The following TESK2 variants were observed in gnomAD, a reference collection of about 807,000 sequenced individuals.
TESK2 encodes the protein testis associated actin remodelling kinase 2.
TESK2 carries 39 observed loss-of-function variants against 57.1 expected under a neutral mutation model. The observed-to-expected ratio is 0.68, with a 90% CI of 0.53 to 0.89. The LOEUF (loss-of-function observed/expected upper bound fraction) is 0.89. Among genes scored for constraint, TESK2 ranks in the 40% least tolerant of loss-of-function variants. The pLI is 0.00. For missense variants in TESK2, 646 were observed against 732.1 expected, an observed-to-expected ratio of 0.88 and a Z score of 1.36; for synonymous variants, 249 against 267.9, an observed-to-expected ratio of 0.93 and a Z score of 0.69.
At chr1:45,466,668 T>TA (rs1422628253) in intron 1 of TESK2, among the ~76,000 whole-genome samples, 42 of 147,954 alleles carry the variant, frequency 2.8e-4, no homozygotes, top group African/African-American at 8.6e-4. Context: ...ATAATAATAA[T>TA]ATATATTATA....
intron 4 of TESK2, among the ~76,000 whole-genome samples, chr1:45,372,764 C>T (rs1648247540): frequency 6.6e-6 from 1 of 150,976 alleles, no homozygotes; most frequent in South Asian, 2.1e-4. Flanking sequence ...GAAGGCCAGG[C>T]ACGGTGGTTC....
intron 3 of TESK2, among the ~76,000 whole-genome samples, chr1:45,408,624 G>T (rs1438939088): frequency 6.6e-6 from 1 of 152,078 alleles, no homozygotes; most frequent in Non-Finnish European, 1.5e-5. Flanking sequence ...TTCTGAGAAA[G>T]GTTGTCATTT....
Position 45,415,107 on chromosome 1 carries a change from T to G in TESK2, c.344+6618A>C, listed in dbSNP as rs75590435. The G allele has an allele frequency of 3.9e-3, 5,638 of 1,451,840 alleles. 62 individuals are homozygous for G. The highest frequency in any genetic ancestry group is 0.037 in the East Asian group (1,612 of 43,248). The allele number at this position is 1,451,840 out of a possible 1,614,324, so 89.9% of individuals were successfully genotyped here. The stretch of plus-strand genomic sequence containing the variant: ...CTCCTTCGAGCTGTTTGCAGACAAG[T>G]TTCCAAAGACAACAGAAAACTTTTG... On this transcript the variant is annotated intron_variant, in intron 3 of 10. Transcript: ENST00000372086.
At chr1:45,477,547 G>A (rs971838208) in intron 1 of TESK2, among the ~76,000 whole-genome samples, 4 of 150,968 alleles carry the variant, frequency 2.6e-5, no homozygotes, top group Non-Finnish European at 4.4e-5. Context: ...ACTTGAACCT[G>A]GGAGACGGTG....
intron 2 of TESK2, among the ~76,000 whole-genome samples, chr1:45,427,550 C>T (rs1473347238): frequency 6.6e-6 from 1 of 152,180 alleles, no homozygotes; most frequent in Non-Finnish European, 1.5e-5. Flanking sequence ...AAATGTGGTA[C>T]ATACACACAA....
chr1:45,360,691 T>C (rs952047178), intron 4 of TESK2, among the ~76,000 whole-genome samples: 1 of 152,250 alleles, frequency 6.6e-6, no homozygotes, highest in Non-Finnish European at 1.5e-5. Flanking sequence ...AACCCATTTC[T>C]CTTGCCTGCC....
chr1:45,345,404 G>A lies in TESK2; in HGVS notation c.1152C>T (p.Asp384=). 1 of 1,614,066 alleles carries A rather than the reference G, an allele frequency of 6.2e-7. No individual in the cohort carries two copies. The highest frequency in any genetic ancestry group is 8.5e-7 in the Non-Finnish European group (1 of 1,180,022). Residue 384 remains aspartate (D), a synonymous_variant, in exon 11 of 11, where the codon GAC becomes GAT. Coordinates refer to ENST00000372086, the MANE Select transcript of TESK2 (RefSeq NM_007170.3). ...RKPPRTVSVL[D]PYYRPRDGAA... ...CACCATCTCGTGGCCGGTAGTATGG[G>A]TCCAAGACACTCACTGTACGTGGGG...
chr1:45,376,152 G>C (rs770883891), intron 4 of TESK2, among the ~76,000 whole-genome samples: 17 of 149,142 alleles, frequency 1.1e-4, no homozygotes, highest in Non-Finnish European at 2.2e-4. Context: ...GCACATAGAA[G>C]TTTAAGTGAA....
At chr1:45,355,254 AGAGAAGGGTGGTATCTCTCAAT>A in intron 5 of TESK2, 27 bp downstream of exon 5, 1 of 1,596,522 alleles carries the variant, frequency 6.3e-7, no homozygotes, top group Non-Finnish European at 8.5e-7. Context: ...TCTTGGCAAA[AGAGAAGGGTGGTATCTCTCAAT>A]GAGTTGTGAG....
intron 1 of TESK2, among the ~76,000 whole-genome samples, chr1:45,485,098 A>T (rs973607105): frequency 3.9e-5 from 6 of 152,166 alleles, no homozygotes; most frequent in African/African-American, 1.4e-4. Flanking sequence ...AAAAGAATAT[A>T]AAGAGACTAT....
Position 45,344,367 on chromosome 1 carries a change from G to C in TESK2, c.*473C>G, listed in dbSNP as rs1647107206. On this transcript the variant is annotated 3_prime_UTR_variant, in exon 11 of 11. Coordinates refer to ENST00000372086, the MANE Select transcript of TESK2 (RefSeq NM_007170.3). Reference sequence around the variant, plus strand: ...AAACAGCAATTACTCAAATGTCTTAGAATACTGGCAAGAAGCACCCCAATA... The same window carrying C: ...AAACAGCAATTACTCAAATGTCTTACAATACTGGCAAGAAGCACCCCAATA... 1 of 164,552 alleles carries C rather than the reference G, an allele frequency of 6.1e-6. No homozygotes were observed. Among genetic ancestry groups the C allele is most frequent in the Non-Finnish European group, 1.3e-5 (1 of 75,536 alleles). The allele number at this position is 164,552 out of a possible 1,614,324, so 10.2% of individuals were successfully genotyped here.
Position 45,389,567 on chromosome 1 carries a change from A to G in TESK2, c.345-3607T>C, listed in dbSNP as rs778846341. 4.3e-4 allele frequency among the ~76,000 whole-genome samples: 65 copies of G among 152,210 alleles called. 1 individual carries two copies. Among genetic ancestry groups the G allele is most frequent in the Admixed American group, 4.6e-4 (7 of 15,282 alleles). On this transcript the variant is annotated intron_variant, in intron 3 of 10. Transcript: ENST00000372086. ...CTCAACCCTGGACTTCTCAGCCTCCATAACTGTAAGAAATAGTTTCCTTTT... is the reference window on the plus strand; with the variant it reads ...CTCAACCCTGGACTTCTCAGCCTCCGTAACTGTAAGAAATAGTTTCCTTTT...
intron 1 of TESK2, among the ~76,000 whole-genome samples, chr1:45,490,185 T>C (rs542935993): frequency 2.0e-4 from 30 of 152,324 alleles, no homozygotes; most frequent in Admixed American, 1.2e-3. Context: ...CGGCTCCCCA[T>C]GCATGCAGCA....
chr1:45,443,557 G>A (rs1414491376), intron 2 of TESK2, among the ~76,000 whole-genome samples: 8 of 107,166 alleles, frequency 7.5e-5, no homozygotes, highest in Admixed American at 2.8e-4. Flanking sequence ...GTGGCAGAGC[G>A]AGATCCATCG....
chr1:45,486,782 T>TACACACACACACACCCAC (rs1653494305), intron 1 of TESK2, among the ~76,000 whole-genome samples: 1 of 115,868 alleles, frequency 8.6e-6, no homozygotes. Flanking sequence ...CCTCCCAGCA[T>TACACACACACACACCCAC]ACACACACAC....
intron 3 of TESK2, chr1:45,413,920 C>T: frequency 4.5e-6 from 2 of 444,144 alleles, no homozygotes; most frequent in South Asian, 1.6e-5. Context: ...GACTAAGAGC[C>T]ATACTAACAA....
At chr1:45,363,603 C>G (rs1047339596) in intron 4 of TESK2, among the ~76,000 whole-genome samples, 1 of 152,194 alleles carries the variant, frequency 6.6e-6, no homozygotes, top group Non-Finnish European at 1.5e-5. Context: ...GGCTAATATT[C>G]ACTCATTGTT....
chr1:45,351,754 C>G (rs1647235859), intron 5 of TESK2, among the ~76,000 whole-genome samples: 1 of 152,196 alleles, frequency 6.6e-6, no homozygotes, highest in African/African-American at 2.4e-5. Flanking sequence ...GCCTGGAACC[C>G]AGAATCTCAG....
chr1:45,413,781 C>A, intron 3 of TESK2: 1 of 454,554 alleles, frequency 2.2e-6, no homozygotes, highest in Non-Finnish European at 4.4e-6. Flanking sequence ...GAAGGCACAT[C>A]TGTGTAATCC....
Sources: allele counts gnomAD v4.1 joint callset (sites outside exome capture counted in the v4.1 genomes callset), GRCh38; gene constraint gnomAD v4.1.1; transcripts MANE v1.5; gene names NCBI Gene and HGNC (gene_info 2026-07-23, HGNC 2026-07-21).